Variants in CALD1 observed in about 807,000 individuals in gnomAD.
The protein encoded by CALD1 is caldesmon.
In CALD1, 33 loss-of-function variants were observed where a neutral mutation model predicts 99.9. That is an observed-to-expected ratio of 0.33 (90% CI 0.25 to 0.44). The LOEUF (loss-of-function observed/expected upper bound fraction) is 0.44. Among genes scored for constraint, CALD1 ranks in the 20% least tolerant of loss-of-function variants. The pLI is 1.00. For missense variants in CALD1, 861 were observed against 962.1 expected, an observed-to-expected ratio of 0.89 and a Z score of 1.39; for synonymous variants, 310 against 325.0, an observed-to-expected ratio of 0.95 and a Z score of 0.50.
chr7:134,942,315 G>C (rs542646190), intron 7 of CALD1, among the ~76,000 whole-genome samples: 1 of 152,330 alleles, frequency 6.6e-6, no homozygotes, highest in African/African-American at 2.4e-5. Flanking sequence ...AGCAGGCGGA[G>C]CTACTAGGGA....
intron 7 of CALD1, among the ~76,000 whole-genome samples, chr7:134,945,957 A>G (rs990479410): frequency 4.6e-5 from 7 of 152,176 alleles, no homozygotes; most frequent in Admixed American, 4.6e-4. Flanking sequence ...ATTTACTTCA[A>G]TGCCTACCCT....
In CALD1 at chr7:134,969,584, G is replaced by A. The variant is rs1262006668; in HGVS notation, c.*1239G>A. ...GCAAAATCCAGTGTTGAGGAGTCAT[G>A]ACAGTACTTTGATCTTTATATACTC... is the stretch of plus-strand genomic sequence containing the variant. On this transcript the variant is annotated 3_prime_UTR_variant, in exon 15 of 15. Coordinates refer to ENST00000361675, the MANE Select transcript of CALD1 (RefSeq NM_033138.4). 1 of 152,224 alleles carries A rather than the reference G, an allele frequency of 6.6e-6. No individual in the cohort carries two copies. The highest frequency in any genetic ancestry group is 1.5e-5 in the Non-Finnish European group (1 of 68,022). 9.4% of individuals were successfully genotyped at this position (152,224 alleles called of 1,614,324 possible).
At chr7:134,821,231 T>C (rs935492153) in intron 1 of CALD1, among the ~76,000 whole-genome samples, 1 of 152,108 alleles carries the variant, frequency 6.6e-6, no homozygotes, top group Non-Finnish European at 1.5e-5. Context: ...TCAGATAATG[T>C]CTAGTGATAA....
chr7:134,775,020 C>T (rs896124493), upstream of CALD1, among the ~76,000 whole-genome samples: 2 of 107,792 alleles, frequency 1.9e-5, no homozygotes, highest in East Asian at 1.1e-3. Flanking sequence ...ATGTTATATA[C>T]CCTATGATAA....
At position 134,965,180 on chromosome 7, in the gene CALD1, C is replaced by T. The variant is rs1808578075; in HGVS notation, c.2296-126C>T. 4 of 652,320 alleles carry T rather than the reference C, an allele frequency of 6.1e-6. No homozygotes were observed. The East Asian group carries it at 1.0e-4, about 17-fold the overall frequency. 40.4% of individuals were successfully genotyped at this position (652,320 alleles called of 1,614,324 possible). A position where few individuals can be genotyped will look rare whatever the true frequency, so the allele number is the denominator to read the frequency against. ...TGGTCCTTTCAATTCCATTTCAGAT[C>T]ACTGGGGTAAAGTGTATTAAACAAC... On this transcript the variant is annotated intron_variant, in intron 13 of 14. Coordinates refer to ENST00000361675, the MANE Select transcript of CALD1 (RefSeq NM_033138.4).
intron 6 of CALD1, among the ~76,000 whole-genome samples, chr7:134,940,070 C>T (rs754896857): frequency 7.2e-5 from 11 of 152,250 alleles, no homozygotes; most frequent in Non-Finnish European, 4.4e-5. Flanking sequence ...GGCCACAACA[C>T]CTAAAGTCCT....
chr7:134,775,367 CT>C (rs1322458244), upstream of CALD1, among the ~76,000 whole-genome samples: 2 of 152,090 alleles, frequency 1.3e-5, no homozygotes, highest in African/African-American at 4.8e-5. Context: ...AAAATATTTA[CT>C]ATTGTTTTGT....
intron 2 of CALD1, among the ~76,000 whole-genome samples, chr7:134,848,779 C>T (rs1799957316): frequency 1.3e-5 from 2 of 152,164 alleles, no homozygotes; most frequent in Admixed American, 1.3e-4. Context: ...TTATGAGAGA[C>T]TCCGGGAATC....
intron 1 of CALD1, among the ~76,000 whole-genome samples, chr7:134,797,051 G>T (rs1563008073): frequency 1.3e-5 from 2 of 151,604 alleles, no homozygotes; most frequent in Admixed American, 6.6e-5. Context: ...TTGAGAAAAA[G>T]CCTTGCTCTG....
intron 4 of CALD1, 52 bp downstream of exon 4, chr7:134,928,952 G>T (rs763955638): frequency 6.8e-7 from 1 of 1,479,174 alleles, no homozygotes; most frequent in Non-Finnish European, 9.2e-7. Flanking sequence ...TAGCCTGTCC[G>T]TTGAATGGAA....
intron 2 of CALD1, among the ~76,000 whole-genome samples, chr7:134,854,926 G>A (rs1420442797): frequency 6.6e-6 from 1 of 152,160 alleles, no homozygotes; most frequent in Non-Finnish European, 1.5e-5. Context: ...TGCTGTTCTC[G>A]TGATACTGAG....
At chr7:134,883,986 C>T (rs533703370) in intron 3 of CALD1, among the ~76,000 whole-genome samples, 8 of 152,206 alleles carry the variant, frequency 5.3e-5, no homozygotes, top group Non-Finnish European at 1.2e-4. Flanking sequence ...CCTGTAATCC[C>T]AGCTACCTGG....
At chr7:134,870,702 C>G (rs1293405562) in intron 3 of CALD1, among the ~76,000 whole-genome samples, 1 of 149,854 alleles carries the variant, frequency 6.7e-6, no homozygotes, top group African/African-American at 2.5e-5. Context: ...TCCTTTCTTT[C>G]TTGCTTCCAT....
intron 1 of CALD1, among the ~76,000 whole-genome samples, chr7:134,819,447 C>G (rs1563022825): frequency 6.6e-6 from 1 of 152,194 alleles, no homozygotes. Flanking sequence ...GAACTTGGGC[C>G]ATACCGCTCA....
chr7:134,844,885 CA>C (rs1231412500), intron 2 of CALD1, among the ~76,000 whole-genome samples: 1 of 152,164 alleles, frequency 6.6e-6, no homozygotes, highest in East Asian at 1.9e-4. Flanking sequence ...GGATTAGGCC[CA>C]CCCTAAAGAC....
intron 1 of CALD1, among the ~76,000 whole-genome samples, chr7:134,749,145 T>C (rs1220039330): frequency 6.6e-6 from 1 of 152,234 alleles, no homozygotes. Flanking sequence ...AGTTTGGACT[T>C]TCTGGAAAGA....
At chr7:134,843,828 T>C (rs1489694506) in intron 1 of CALD1, 56 bp from the exon 2 acceptor site, 1 of 152,258 alleles carries the variant, frequency 6.6e-6, no homozygotes, top group Non-Finnish European at 1.5e-5. Context: ...ATATATAGTC[T>C]GTATTAGCTA....
rs756035326 is a variant in CALD1, at chr7:134,920,481, T to C, written c.72-8273T>C. The stretch of plus-strand genomic sequence containing the variant: ...AAGTAATTGACTAAGAAGTCATCCT[T>C]TTTTGAGGCTGTGAGCCCCAGGCAT... On this transcript the variant is annotated intron_variant, in intron 3 of 14. Transcript: ENST00000361675. 3.0e-5 allele frequency: 33 copies of C among 1,105,910 alleles called. No homozygotes were observed. In the Middle Eastern group the frequency reaches 7.6e-4, roughly 25 times the overall value. The allele number at this position is 1,105,910 out of a possible 1,614,324, so 68.5% of individuals were successfully genotyped here. A position where few individuals can be genotyped will look rare whatever the true frequency, so the allele number is the denominator to read the frequency against.
chr7:134,868,658 A>G (rs1800916126), intron 3 of CALD1, among the ~76,000 whole-genome samples: 1 of 152,218 alleles, frequency 6.6e-6, no homozygotes, highest in Non-Finnish European at 1.5e-5. Context: ...CTATAATGAA[A>G]AGTATTGTTC....
Sources: gnomAD v4.1 joint callset for allele counts (sites outside exome capture counted in the v4.1 genomes callset) on GRCh38, gnomAD v4.1.1 for gene constraint, MANE v1.5 for transcripts, NCBI Gene and HGNC (gene_info 2026-07-23, HGNC 2026-07-21) for gene names.